DDX60L: variants seen among roughly 807,000 people sequenced by gnomAD.
The protein encoded by DDX60L is DExD/H-box 60 like, also known as probable ATP-dependent RNA helicase DDX60-like.
DDX60L carries 191 observed loss-of-function variants against 211.6 expected under a neutral mutation model. The observed-to-expected ratio is 0.90, with a 90% CI of 0.80 to 1.02. The LOEUF (loss-of-function observed/expected upper bound fraction) is 1.02, where lower values mean the gene tolerates loss of function less well. Among genes scored for constraint, DDX60L ranks in the 50% least tolerant of loss-of-function variants. DDX60L has a pLI of 0.00. For synonymous variants in DDX60L, 706 were observed against 694.1 expected (o/e 1.02, Z -0.27); for missense variants, 2,007 against 1,984.1 (o/e 1.01, Z -0.22).
At chr4:168,383,366 T>A (rs187143666) in intron 30 of DDX60L, among the ~76,000 whole-genome samples, 1 of 152,180 alleles carries the variant, frequency 6.6e-6, no homozygotes, top group Admixed American at 6.5e-5. Flanking sequence ...AAGACAGCTG[T>A]CTGGGACAGA....
At chr4:168,454,485 A>G (rs1436527059) in intron 7 of DDX60L, among the ~76,000 whole-genome samples, 1 of 152,196 alleles carries the variant, frequency 6.6e-6, no homozygotes, top group Non-Finnish European at 1.5e-5. Context: ...TGAAATATCT[A>G]GAATATCACC....
At chr4:168,397,559 A>G (rs1746021919) in intron 26 of DDX60L, among the ~76,000 whole-genome samples, 1 of 152,218 alleles carries the variant, frequency 6.6e-6, no homozygotes, top group African/African-American at 2.4e-5. Flanking sequence ...GCTAACAGGA[A>G]GGAAGGCCCT....
At chr4:168,383,012 G>A (rs1233807848) in intron 30 of DDX60L, among the ~76,000 whole-genome samples, 5 of 152,140 alleles carry the variant, frequency 3.3e-5, no homozygotes, top group Admixed American at 1.3e-4. Flanking sequence ...CCATTTTGTA[G>A]CTGACAGTTC....
At chr4:168,417,863 G>C (rs908202030) in intron 19 of DDX60L, among the ~76,000 whole-genome samples, 1 of 152,078 alleles carries the variant, frequency 6.6e-6, no homozygotes, top group Admixed American at 6.6e-5. Context: ...TACTAATCAA[G>C]GCTAGTAATA....
At chr4:168,376,623 G>C (rs1422737168) in intron 33 of DDX60L, among the ~76,000 whole-genome samples, 1 of 151,822 alleles carries the variant, frequency 6.6e-6, no homozygotes, top group Non-Finnish European at 1.5e-5. Context: ...AAATTGACAG[G>C]TGCAGCTCTA....
chr4:168,396,325 T>A (rs1462997180), intron 26 of DDX60L, among the ~76,000 whole-genome samples: 1 of 152,100 alleles, frequency 6.6e-6, no homozygotes, highest in Non-Finnish European at 1.5e-5. Flanking sequence ...CAAAATCCTC[T>A]ATATTTTCTT....
chr4:168,395,976 T>C lies in DDX60L; in HGVS notation c.3640A>G (p.Thr1214Ala). The C allele has an allele frequency of 7.5e-6, 12 of 1,602,298 alleles. No individual in the cohort carries two copies. The highest frequency in any genetic ancestry group is 1.0e-5 in the Non-Finnish European group (12 of 1,175,100). Residue 1214 changes from threonine to alanine, a missense_variant, in exon 27 of 38, where the codon ACC (threonine) becomes GCC (alanine). Thr to Ala is a moderately conservative substitution (Grantham distance 58, BLOSUM62 0). Coordinates refer to ENST00000682922, the MANE Select transcript of DDX60L (RefSeq NM_001012967.3). ...TGACGTACTGAGTCTTTATTCCTGGTAATTTCAGTGTGTAGGGCTTTGACA... is the reference window on the plus strand; with the variant it reads ...TGACGTACTGAGTCTTTATTCCTGGCAATTTCAGTGTGTAGGGCTTTGACA... The part of the protein sequence containing the change: ...ADVKALHTEI[T>A]RNKDSTLERV...
chr4:168,462,810 C>CAAAACA (rs3068255), intron 4 of DDX60L, among the ~76,000 whole-genome samples: 111,997 of 150,062 alleles, frequency 0.75, 42,927 homozygotes, highest in East Asian at 0.88. Flanking sequence ...GACTGTGTCT[C>CAAAACA]AAAACAAAAA....
At chr4:168,458,054 TC>T in intron 5 of DDX60L, 46 bp from the exon 6 acceptor site, 1 of 1,180,722 alleles carries the variant, frequency 8.5e-7, no homozygotes. Flanking sequence ...ATAAAGTATT[TC>T]CCAGCTGTAA....
intron 9 of DDX60L, among the ~76,000 whole-genome samples, chr4:168,446,176 G>C: frequency 6.6e-6 from 1 of 151,876 alleles, no homozygotes; most frequent in Non-Finnish European, 1.5e-5. Context: ...AGCAACTTCA[G>C]CAAAGTCTCA....
At chr4:168,416,638 C>G in intron 20 of DDX60L, 44 bp downstream of exon 20, 3 of 1,215,674 alleles carry the variant, frequency 2.5e-6, no homozygotes, top group Non-Finnish European at 3.5e-6. Flanking sequence ...GTATATAATT[C>G]AACCACTGAA....
intron 22 of DDX60L, among the ~76,000 whole-genome samples, chr4:168,414,924 A>G (rs1188949032): frequency 6.6e-6 from 1 of 151,434 alleles, no homozygotes; most frequent in East Asian, 1.9e-4. Flanking sequence ...GATAGAATAA[A>G]TAAGATCTAG....
intron 36 of DDX60L, among the ~76,000 whole-genome samples, chr4:168,365,924 A>C (rs1377081627): frequency 6.6e-6 from 1 of 152,156 alleles, no homozygotes; most frequent in Non-Finnish European, 1.5e-5. Flanking sequence ...CAAAAACCAT[A>C]TGATCTTTTG....
intron 26 of DDX60L, among the ~76,000 whole-genome samples, chr4:168,397,508 A>G (rs1336577136): frequency 6.6e-6 from 1 of 152,220 alleles, no homozygotes; most frequent in African/African-American, 2.4e-5. Context: ...GAGAAGACAG[A>G]TTTTAAACAA....
chr4:168,369,069 G>T lies in DDX60L; in HGVS notation c.4928+2543C>A, dbSNP rs142319929. On this transcript the variant is annotated intron_variant, in intron 36 of 37. Coordinates refer to ENST00000682922, the MANE Select transcript of DDX60L (RefSeq NM_001012967.3). ...CTCTGGGGGACTGCTGGGAAGGCATGATTGGTTTTGAAATGTGAGGACATG... is the reference window on the plus strand; with the variant it reads ...CTCTGGGGGACTGCTGGGAAGGCATTATTGGTTTTGAAATGTGAGGACATG... Among the ~76,000 whole-genome samples, 87 of 152,318 alleles carry T rather than the reference G, an allele frequency of 5.7e-4. No individual in the cohort carries two copies. In the East Asian group the frequency reaches 0.016, roughly 28 times the overall value.
At chr4:168,471,587 C>A in intron 4 of DDX60L, 160 bp downstream of exon 4, 1 of 529,038 alleles carries the variant, frequency 1.9e-6, no homozygotes, top group East Asian at 3.3e-5. Context: ...GAATGGTTAT[C>A]TCTGAGTAGT....
At chr4:168,445,748 C>A (rs373741281) in intron 9 of DDX60L, among the ~76,000 whole-genome samples, 1 of 148,252 alleles carries the variant, frequency 6.7e-6, no homozygotes, top group Non-Finnish European at 1.5e-5. Context: ...TAAATGTAAT[C>A]CAGCATATAA....
intron 25 of DDX60L, among the ~76,000 whole-genome samples, chr4:168,402,754 C>G (rs1189863687): frequency 6.6e-6 from 1 of 152,070 alleles, no homozygotes; most frequent in East Asian, 1.9e-4. Context: ...GGAAGTTGAC[C>G]CAGCTTGAGC....
At chr4:168,449,956 T>C (rs1755574183) in intron 8 of DDX60L, among the ~76,000 whole-genome samples, 1 of 152,122 alleles carries the variant, frequency 6.6e-6, no homozygotes, top group Admixed American at 6.5e-5. Context: ...TTCCTGGGTG[T>C]AGGCTGAACT....
Sources: gnomAD v4.1 joint callset for allele counts (sites outside exome capture counted in the v4.1 genomes callset) on GRCh38, gnomAD v4.1.1 for gene constraint, MANE v1.5 for transcripts, NCBI Gene and HGNC (gene_info 2026-07-23, HGNC 2026-07-21) for gene names.